Variants in LYAR observed in about 807,000 individuals in gnomAD.
LYAR encodes the protein Ly1 antibody reactive, also known as cell growth-regulating nucleolar protein.
LYAR carries 37 observed loss-of-function variants against 45.2 expected under a neutral mutation model. That is an observed-to-expected ratio of 0.82 (90% CI 0.63 to 1.08). The LOEUF is 1.08. LYAR is among the 50% of genes least tolerant of loss of function. The pLI is 0.00. For missense variants in LYAR, 493 were observed against 451.0 expected, an observed-to-expected ratio of 1.09 and a Z score of -0.84; for synonymous variants, 176 against 155.1, an observed-to-expected ratio of 1.14 and a Z score of -1.00.
chr4:4,286,824 T>G (rs1179809681), intron 1 of LYAR, among the ~76,000 whole-genome samples: 1 of 152,004 alleles, frequency 6.6e-6, no homozygotes, highest in African/African-American at 2.4e-5. Context: ...TTTTTTGTAT[T>G]TTTTAGTAGA....
At chr4:4,286,693 C>A (rs1719628574) in intron 1 of LYAR, 121 bp from the exon 2 acceptor site, 1 of 142,898 alleles carries the variant, frequency 7.0e-6, no homozygotes, top group Non-Finnish European at 1.5e-5. Context: ...GTCGCCCAGG[C>A]TGGAGTGCAG....
At chr4:4,284,007 C>G (rs957527492) in intron 2 of LYAR, among the ~76,000 whole-genome samples, 1 of 152,216 alleles carries the variant, frequency 6.6e-6, no homozygotes, top group Non-Finnish European at 1.5e-5. Flanking sequence ...ACGTGCCAGG[C>G]ACTATTCTAG....
rs186632680 is a variant in LYAR, at chr4:4,280,529, T to C, written c.238-780A>G. ...CATATTTTCTGATTTCAAAACTTAT[T>C]ACAAAGCTGTAATAAGTTTCTGTAG... On this transcript the variant is annotated intron_variant, in intron 4 of 9. Transcript: ENST00000343470. 3.4e-3 allele frequency among the ~76,000 whole-genome samples: 515 copies of C among 152,344 alleles called. 4 individuals are homozygous for C. The highest frequency in any genetic ancestry group is 0.012 in the African/African-American group (493 of 41,576).
chr4:4,276,989 G>A (rs1377106258), intron 6 of LYAR, among the ~76,000 whole-genome samples: 1 of 152,138 alleles, frequency 6.6e-6, no homozygotes, highest in Non-Finnish European at 1.5e-5. Context: ...GGAAGAAGGG[G>A]ACAAAGAAAC....
At chr4:4,274,314 T>C (rs970409040) in intron 7 of LYAR, 53 bp downstream of exon 7, 4 of 1,562,518 alleles carry the variant, frequency 2.6e-6, no homozygotes, top group African/African-American at 2.7e-5. Context: ...TATCCCAAAT[T>C]CACAGCTTTC....
intron 3 of LYAR, 80 bp from the exon 4 acceptor site, chr4:4,281,977 C>T: frequency 1.2e-6 from 1 of 835,568 alleles, no homozygotes; most frequent in Non-Finnish European, 2.1e-6. Flanking sequence ...CCACTATCTT[C>T]TGTGGTCTAC....
rs148676994 is a variant in LYAR, at chr4:4,272,285, T to A, written c.919+1298A>T. 1.9e-4 allele frequency among the ~76,000 whole-genome samples: 29 copies of A among 152,306 alleles called. No homozygotes were observed. In the East Asian group the frequency reaches 5.6e-3, roughly 29 times the overall value. On this transcript the variant is annotated intron_variant, in intron 8 of 9. Coordinates refer to ENST00000343470, the MANE Select transcript of LYAR (RefSeq NM_017816.3). ...GTCTCCATTATTTCTTACAACTGCA[T>A]GTGAGTCTACAAGGATCTCAAAACA...
At position 4,273,565 on chromosome 4, in the gene LYAR, AT is replaced by A. The variant is rs1719029584; in HGVS notation, c.919+17del. On this transcript the variant is annotated intron_variant, in intron 8 of 9. Transcript: ENST00000343470. Reference sequence around the variant, plus strand: ...CGCTGTGCCCAGCCGTGCTCCTCAAATGACAGCAGTGATATACCTTTTGCAG... The same window carrying A: ...CGCTGTGCCCAGCCGTGCTCCTCAAAGACAGCAGTGATATACCTTTTGCAG... 1 of 1,597,482 alleles carries A rather than the reference AT, an allele frequency of 6.3e-7. No individual in the cohort carries two copies. The highest frequency in any genetic ancestry group is 1.3e-5 in the African/African-American group (1 of 74,348).
chr4:4,283,109 T>G (rs1307456215), intron 3 of LYAR, among the ~76,000 whole-genome samples: 1 of 152,174 alleles, frequency 6.6e-6, no homozygotes, highest in African/African-American at 2.4e-5. Flanking sequence ...CCCCTAGTCT[T>G]TTCTTTAACA....
At chr4:4,268,065 A>C in intron 9 of LYAR, 42 bp from the exon 10 acceptor site, 1 of 1,497,260 alleles carries the variant, frequency 6.7e-7, no homozygotes, top group Non-Finnish European at 8.9e-7. Flanking sequence ...TTGACCTGGA[A>C]AATTATCTTA....
intron 1 of LYAR, among the ~76,000 whole-genome samples, chr4:4,288,675 G>T: frequency 6.6e-6 from 1 of 152,078 alleles, no homozygotes; most frequent in South Asian, 2.1e-4. Flanking sequence ...TAGTAGAGAC[G>T]GAGTTTCACC....
At chr4:4,274,872 CG>C in intron 6 of LYAR, 103 bp from the exon 7 acceptor site, 2 of 1,187,354 alleles carry the variant, frequency 1.7e-6, no homozygotes, top group Non-Finnish European at 2.4e-6. Flanking sequence ...TCAAGAAAAA[CG>C]GTTGGTTTAA....
In LYAR at chr4:4,281,883, T is replaced by G; in HGVS notation, c.137A>C (p.Lys46Thr). The G allele has an allele frequency of 6.2e-7, 1 of 1,613,832 alleles. No individual in the cohort carries two copies. The highest frequency in any genetic ancestry group is 8.5e-7 in the Non-Finnish European group (1 of 1,179,688). ...TTCACTTATGCATTTCACGTGGTTT[T>G]TATAGTCATCGCCCCTTTAAAGTGA... Reference protein sequence around the residue: ...CGKDFWGDDYKNHVKCISEDQ... With the variant: ...CGKDFWGDDYTNHVKCISEDQ... Residue 46 changes from lysine to threonine, a missense_variant, in exon 4 of 10, where the codon AAA (lysine) becomes ACA (threonine). Physicochemically the swap from Lys to Thr is moderately conservative, Grantham distance 78. Coordinates refer to ENST00000343470, the MANE Select transcript of LYAR (RefSeq NM_017816.3).
chr4:4,288,741 C>G (rs1009070848), intron 1 of LYAR, among the ~76,000 whole-genome samples: 5 of 152,198 alleles, frequency 3.3e-5, no homozygotes, highest in African/African-American at 1.2e-4. Context: ...CCTCCTCGGC[C>G]TCCCAAAGTG....
intron 8 of LYAR, 117 bp from the exon 9 acceptor site, chr4:4,268,732 A>T: frequency 3.1e-6 from 2 of 650,772 alleles, no homozygotes; most frequent in South Asian, 3.9e-5. Context: ...CCCTCTAATG[A>T]ACCAGACTCC....
rs2980085 is a variant in LYAR, at chr4:4,273,685, G to A, written c.833-16C>T. On this transcript the variant is annotated splice_polypyrimidine_tract_variant and intron_variant, in intron 7 of 9. Coordinates refer to ENST00000343470, the MANE Select transcript of LYAR (RefSeq NM_017816.3). ...TCTGTTTCAACTAAGTATTTGGAAA[G>A]ATTTTTTTTAAAGAAGATTTTGCAT... 154 of 1,545,514 alleles carry A rather than the reference G, an allele frequency of 1.0e-4. No individual in the cohort carries two copies. In the African/African-American group the frequency reaches 1.9e-3, roughly 19 times the overall value.
At chr4:4,273,203 G>A (rs1041000657) in intron 8 of LYAR, among the ~76,000 whole-genome samples, 5 of 152,194 alleles carry the variant, frequency 3.3e-5, no homozygotes, top group African/African-American at 1.2e-4. Flanking sequence ...TTCCAAACCA[G>A]ACTGCTTTAC....
chr4:4,271,168 C>T (rs1158474345), intron 8 of LYAR, among the ~76,000 whole-genome samples: 1 of 152,176 alleles, frequency 6.6e-6, no homozygotes, highest in Admixed American at 6.5e-5. Context: ...CCTCCCACCA[C>T]CCTTTCCAGT....
intron 1 of LYAR, among the ~76,000 whole-genome samples, chr4:4,286,902 C>T (rs1455012317): frequency 7.9e-6 from 1 of 125,948 alleles, no homozygotes; most frequent in Non-Finnish European, 1.6e-5. Flanking sequence ...CCGCCTGCCT[C>T]GGCCTCCCAA....
Sources: gnomAD v4.1 joint callset for allele counts (sites outside exome capture counted in the v4.1 genomes callset) on GRCh38, gnomAD v4.1.1 for gene constraint, MANE v1.5 for transcripts, NCBI Gene and HGNC (gene_info 2026-07-23, HGNC 2026-07-21) for gene names.